The following CNTN1 variants were observed in gnomAD, a reference collection of about 807,000 sequenced individuals.
CNTN1 encodes contactin 1, also known as contactin-1.
A neutral mutation model predicts 126.4 loss-of-function variants in CNTN1; 38 were observed. The ratio of observed to expected loss-of-function variants is 0.30; its 90% CI spans 0.23 to 0.39. The LOEUF is 0.39. CNTN1 is among the 10% of genes least tolerant of loss of function. The pLI is 1.00. For synonymous variants in CNTN1, 413 were observed against 422.6 expected, an observed-to-expected ratio of 0.98 and a Z score of 0.28; for missense variants, 1,009 against 1,248.4, an observed-to-expected ratio of 0.81 and a Z score of 2.89.
chr12:40,703,800 G>GA (rs1941662218), intron 1 of CNTN1, among the ~76,000 whole-genome samples: 2 of 13,512 alleles, frequency 1.5e-4, no homozygotes, highest in East Asian at 5.7e-3. Flanking sequence ...GGTGAGAGGA[G>GA]GGAGAGAGAG....
At chr12:41,013,784 G>A in intron 17 of CNTN1, among the ~76,000 whole-genome samples, 1 of 152,068 alleles carries the variant, frequency 6.6e-6, no homozygotes, top group East Asian at 1.9e-4. Flanking sequence ...CATAAGAGAC[G>A]ATATTAGATT....
At chr12:40,983,731 CTA>C (rs561403371) in intron 16 of CNTN1, among the ~76,000 whole-genome samples, 13 of 147,046 alleles carry the variant, frequency 8.8e-5, no homozygotes, top group Non-Finnish European at 1.3e-4. Context: ...TATTACAGTA[CTA>C]TATATATATA....
At chr12:40,948,188 T>C (rs890107774) in intron 14 of CNTN1, among the ~76,000 whole-genome samples, 1 of 151,894 alleles carries the variant, frequency 6.6e-6, no homozygotes, top group Non-Finnish European at 1.5e-5. Context: ...TTATTAATAC[T>C]TTTTATAAGA....
At chr12:41,049,661 G>T (rs1043415438) in intron 23 of CNTN1, among the ~76,000 whole-genome samples, 1 of 152,132 alleles carries the variant, frequency 6.6e-6, no homozygotes, top group African/African-American at 2.4e-5. Context: ...TGACCACAGT[G>T]ATTATTTTAA....
intron 1 of CNTN1, among the ~76,000 whole-genome samples, chr12:40,891,111 G>A (rs1169386790): frequency 6.6e-6 from 1 of 152,080 alleles, no homozygotes; most frequent in Non-Finnish European, 1.5e-5. Flanking sequence ...ATTTCCTGAT[G>A]ATATATGATG....
At chr12:40,716,195 AG>A (rs1387445064) in intron 1 of CNTN1, among the ~76,000 whole-genome samples, 1 of 151,334 alleles carries the variant, frequency 6.6e-6, no homozygotes. Flanking sequence ...CATCCTTGCA[AG>A]GGTACTAGAT....
intron 1 of CNTN1, among the ~76,000 whole-genome samples, chr12:40,737,810 TAA>T (rs1277484742): frequency 6.6e-6 from 1 of 151,894 alleles, no homozygotes; most frequent in East Asian, 1.9e-4. Context: ...TCTGACAAAT[TAA>T]AAAGATATAT....
At chr12:41,054,400 A>C (rs1949757097) in intron 23 of CNTN1, among the ~76,000 whole-genome samples, 1 of 151,984 alleles carries the variant, frequency 6.6e-6, no homozygotes. Context: ...TTTTCATGGA[A>C]CATAACATGT....
At chr12:40,785,102 A>G (rs1371555675) in intron 1 of CNTN1, among the ~76,000 whole-genome samples, 6 of 152,208 alleles carry the variant, frequency 3.9e-5, no homozygotes, top group African/African-American at 1.4e-4. Context: ...CTAGACTTAC[A>G]AAGATTTCAG....
chr12:40,784,566 C>CT (rs1939934073), intron 1 of CNTN1, among the ~76,000 whole-genome samples: 1 of 151,826 alleles, frequency 6.6e-6, no homozygotes, highest in Non-Finnish European at 1.5e-5. Flanking sequence ...GAAAGTATTC[C>CT]AAGAGGATAA....
chr12:40,983,339 T>C (rs1180738212), intron 16 of CNTN1, among the ~76,000 whole-genome samples: 1 of 152,152 alleles, frequency 6.6e-6, no homozygotes, highest in Non-Finnish European at 1.5e-5. Context: ...AGTTGGATTG[T>C]AGCTGCATTG....
At chr12:40,947,214 CTGAG>C (rs1333575532) in intron 14 of CNTN1, among the ~76,000 whole-genome samples, 1 of 151,868 alleles carries the variant, frequency 6.6e-6, no homozygotes, top group Non-Finnish European at 1.5e-5. Context: ...TAAAAATTTC[CTGAG>C]TATTATATTA....
In CNTN1 at chr12:40,930,515, A is replaced by G. The variant is rs142964748; in HGVS notation, c.703+513A>G. Among the ~76,000 whole-genome samples the G allele has an allele frequency of 1.4e-3, 210 of 152,108 alleles. 5 individuals are homozygous for G. The East Asian group carries it at 0.035, about 25-fold the overall frequency. On this transcript the variant is annotated intron_variant, in intron 7 of 23. Coordinates refer to ENST00000551295, the MANE Select transcript of CNTN1 (RefSeq NM_001843.4). ...AATCAGCATGAGGTGCTACCCTGGT[A>G]GCACCATGGCAGATGACACTGACAA...
intron 23 of CNTN1, among the ~76,000 whole-genome samples, chr12:41,035,001 A>T (rs1411216057): frequency 1.3e-5 from 2 of 152,196 alleles, no homozygotes; most frequent in Non-Finnish European, 2.9e-5. Flanking sequence ...ATTGTCCTTC[A>T]GAAGCTTTGA....
intron 15 of CNTN1, among the ~76,000 whole-genome samples, chr12:40,978,458 C>A (rs1244871412): frequency 6.6e-6 from 1 of 151,886 alleles, no homozygotes; most frequent in Non-Finnish European, 1.5e-5. Context: ...TATTTCAAGA[C>A]AATTGGAAAA....
intron 1 of CNTN1, among the ~76,000 whole-genome samples, chr12:40,785,091 T>C (rs1939960287): frequency 6.6e-6 from 1 of 152,052 alleles, no homozygotes; most frequent in Admixed American, 6.6e-5. Flanking sequence ...TGACAGGAGA[T>C]CTAGACTTAC....
intron 7 of CNTN1, among the ~76,000 whole-genome samples, chr12:40,932,429 T>G (rs1165031212): frequency 1.3e-5 from 2 of 152,044 alleles, no homozygotes; most frequent in Non-Finnish European, 2.9e-5. Flanking sequence ...GTGAGTCAAT[T>G]AAACCTCTTT....
chr12:40,694,670 C>A (rs1434866973), intron 1 of CNTN1, among the ~76,000 whole-genome samples: 3 of 152,184 alleles, frequency 2.0e-5, no homozygotes. Flanking sequence ...GAACAAAATT[C>A]TAACTTGCCA....
rs534667662 is a variant in CNTN1 at position 40,979,422 on chromosome 12, A to G, written c.1805-1487A>G. ...AAAGGCCATCTAAGCTAAGCAACCC[A>G]ACTGATATATAAATATAAAGGTATA... On this transcript the variant is annotated intron_variant, in intron 15 of 23. Transcript: ENST00000551295. 3.3e-5 allele frequency among the ~76,000 whole-genome samples: 5 copies of G among 152,150 alleles called. No individual in the cohort carries two copies. The South Asian group carries it at 8.3e-4, about 25-fold the overall frequency.
Sources: gnomAD v4.1 joint callset for allele counts (sites outside exome capture counted in the v4.1 genomes callset) on GRCh38, gnomAD v4.1.1 for gene constraint, MANE v1.5 for transcripts, NCBI Gene and HGNC (gene_info 2026-07-23, HGNC 2026-07-21) for gene names.